Variants in ADAM12 observed in about 807,000 individuals in gnomAD.
ADAM12 encodes disintegrin and metalloproteinase domain-containing protein 12.
ADAM12 carries 70 observed loss-of-function variants against 106.4 expected under a neutral mutation model. The observed-to-expected ratio is 0.66, with a 90% CI of 0.54 to 0.80. ADAM12 has a LOEUF of 0.80. ADAM12 is among the 30% of genes least tolerant of loss of function. The pLI is 0.00. For missense variants in ADAM12, 1,010 were observed against 1,171.9 expected, an observed-to-expected ratio of 0.86 and a Z score of 2.02; for synonymous variants, 420 against 433.5, an observed-to-expected ratio of 0.97 and a Z score of 0.39.
At chr10:126,192,866 G>A (rs894390173) in intron 3 of ADAM12, among the ~76,000 whole-genome samples, 4 of 152,256 alleles carry the variant, frequency 2.6e-5, no homozygotes, top group Non-Finnish European at 5.9e-5. Context: ...TTTCTACCAT[G>A]TAATTCTGCA....
intron 21 of ADAM12, among the ~76,000 whole-genome samples, chr10:126,020,908 G>A (rs931579379): frequency 2.0e-5 from 3 of 147,366 alleles, no homozygotes; most frequent in Non-Finnish European, 3.0e-5. Flanking sequence ...CAGGAGAATC[G>A]CTTGAACCCG....
chr10:126,109,946 A>G (rs1377368711), intron 6 of ADAM12, 106 bp from the exon 7 acceptor site: 2 of 1,057,906 alleles, frequency 1.9e-6, no homozygotes, highest in Non-Finnish European at 2.7e-6. Flanking sequence ...TATATCCCCC[A>G]TCCCCGCCAG....
At chr10:126,270,689 G>T (rs758148928) in intron 3 of ADAM12, among the ~76,000 whole-genome samples, 1 of 152,160 alleles carries the variant, frequency 6.6e-6, no homozygotes, top group East Asian at 1.9e-4. Flanking sequence ...TTTAACAAGC[G>T]CTCCAGGTGG....
At chr10:126,257,063 A>T (rs1175006350) in intron 3 of ADAM12, among the ~76,000 whole-genome samples, 1 of 152,204 alleles carries the variant, frequency 6.6e-6, no homozygotes, top group Non-Finnish European at 1.5e-5. Flanking sequence ...TGCATCCTGC[A>T]TAAGGCCTGC....
At chr10:126,292,551 C>T (rs775830335) in intron 2 of ADAM12, among the ~76,000 whole-genome samples, 2 of 152,224 alleles carry the variant, frequency 1.3e-5, no homozygotes, top group Non-Finnish European at 2.9e-5. Context: ...GCCAAGGTTC[C>T]TGAGCATCCC....
At chr10:126,061,221 G>A (rs890117371) in intron 14 of ADAM12, among the ~76,000 whole-genome samples, 2 of 152,178 alleles carry the variant, frequency 1.3e-5, no homozygotes, top group African/African-American at 4.8e-5. Flanking sequence ...CTTCCTGGGA[G>A]TGCAGCTGCA....
At chr10:126,065,214 C>A (rs1400023060) in intron 13 of ADAM12, among the ~76,000 whole-genome samples, 4 of 152,160 alleles carry the variant, frequency 2.6e-5, no homozygotes, top group African/African-American at 7.2e-5. Context: ...GTGGGACAAC[C>A]AAGAGCAGCC....
At chr10:126,094,346 G>T (rs12416659) in intron 10 of ADAM12, among the ~76,000 whole-genome samples, 2,781 of 152,252 alleles carry the variant, frequency 0.018, 82 homozygotes, top group East Asian at 0.087. Context: ...TTCGGCTGAG[G>T]AATGTCTGTA....
intron 21 of ADAM12, among the ~76,000 whole-genome samples, chr10:126,034,872 G>C (rs1026123719): frequency 2.0e-5 from 3 of 152,130 alleles, no homozygotes; most frequent in African/African-American, 7.2e-5. Context: ...ATCAGATAAA[G>C]TAGATTTTAG....
Position 126,148,238 on chromosome 10 carries a change from A to G in ADAM12, c.339+6989T>C, listed in dbSNP as rs552447893. 8.5e-4 allele frequency among the ~76,000 whole-genome samples: 129 copies of G among 152,356 alleles called. 1 individual carries two copies. Among genetic ancestry groups the G allele is most frequent in the African/African-American group, 3.0e-3 (123 of 41,584 alleles). Reference sequence around the variant, plus strand: ...TTTAAAGAAAAAAATAGCACTATACACTATAGCCAACAAAAAGTGGTTCTT... The same window carrying G: ...TTTAAAGAAAAAAATAGCACTATACGCTATAGCCAACAAAAAGTGGTTCTT... On this transcript the variant is annotated intron_variant, in intron 4 of 22. Transcript: ENST00000448723.
intron 3 of ADAM12, among the ~76,000 whole-genome samples, chr10:126,225,821 GA>G (rs765872105): frequency 6.6e-6 from 1 of 152,158 alleles, no homozygotes. Flanking sequence ...CTGCAACTGG[GA>G]ATTCCTGCAG....
chr10:126,281,013 C>G (rs1959551723), intron 2 of ADAM12, among the ~76,000 whole-genome samples: 1 of 152,170 alleles, frequency 6.6e-6, no homozygotes, highest in Non-Finnish European at 1.5e-5. Context: ...TATGCCCTTA[C>G]AGGTATTTGC....
intron 2 of ADAM12, among the ~76,000 whole-genome samples, chr10:126,325,236 T>C (rs1027214080): frequency 1.3e-5 from 2 of 151,964 alleles, no homozygotes; most frequent in African/African-American, 2.4e-5. Context: ...AGATAAAGAG[T>C]GAAAGGTGTG....
At chr10:126,271,539 CA>C (rs1377731785) in intron 3 of ADAM12, among the ~76,000 whole-genome samples, 1 of 152,170 alleles carries the variant, frequency 6.6e-6, no homozygotes, top group Non-Finnish European at 1.5e-5. Flanking sequence ...CCGAGGTAGG[CA>C]AATTGCTTGA....
chr10:126,235,903 G>A lies in ADAM12; in HGVS notation c.260+43012C>T, dbSNP rs549213727. 9.9e-5 allele frequency among the ~76,000 whole-genome samples: 15 copies of A among 152,250 alleles called. No individual in the cohort carries two copies. The South Asian group carries it at 2.5e-3, about 25-fold the overall frequency. On this transcript the variant is annotated intron_variant, in intron 3 of 22. Coordinates refer to ENST00000448723, the MANE Select transcript of ADAM12 (RefSeq NM_001288973.2). ...GGGATCTGGGTCAAGGGGAACACAC[G>A]GAGGAGGGGGTGGCTGTACCATGGG...
chr10:126,310,091 G>A (rs959527627), intron 2 of ADAM12, among the ~76,000 whole-genome samples: 9 of 151,724 alleles, frequency 5.9e-5, no homozygotes, highest in Admixed American at 3.3e-4. Flanking sequence ...CCCAGGAGGC[G>A]GAGGATGTGC....
At chr10:126,345,690 T>C (rs1298545502) in intron 1 of ADAM12, among the ~76,000 whole-genome samples, 1 of 152,234 alleles carries the variant, frequency 6.6e-6, no homozygotes, top group African/African-American at 2.4e-5. Flanking sequence ...AATTATTGCC[T>C]CAATTTCAGA....
intron 3 of ADAM12, among the ~76,000 whole-genome samples, chr10:126,204,993 C>T (rs4962516): frequency 6.6e-6 from 1 of 152,040 alleles, no homozygotes; most frequent in Non-Finnish European, 1.5e-5. Flanking sequence ...TGGCTCGGGG[C>T]TAGGCACCTG....
At chr10:126,091,062 G>T (rs531495275) in intron 11 of ADAM12, 3 of 152,218 alleles carry the variant, frequency 2.0e-5, no homozygotes, top group Non-Finnish European at 2.9e-5. Flanking sequence ...TTTAAAGTGA[G>T]CCATCACACG....
Sources: gnomAD v4.1 joint callset for allele counts (sites outside exome capture counted in the v4.1 genomes callset) on GRCh38, gnomAD v4.1.1 for gene constraint, MANE v1.5 for transcripts, NCBI Gene and HGNC (gene_info 2026-07-23, HGNC 2026-07-21) for gene names.